The following CRMP1 variants were observed in gnomAD, a reference collection of about 807,000 sequenced individuals.
The protein encoded by CRMP1 is dihydropyrimidinase-related protein 1.
In CRMP1, 19 loss-of-function variants were observed where a neutral mutation model predicts 68.3. That is an observed-to-expected ratio of 0.28 (90% CI 0.19 to 0.41). CRMP1 has a LOEUF of 0.41. Among genes scored for constraint, CRMP1 ranks in the 10% least tolerant of loss-of-function variants. The probability of loss-of-function intolerance (pLI) is 1.00; values close to 1 mark genes in which losing one functional copy is unlikely to be tolerated. For synonymous variants in CRMP1, 439 were observed against 399.6 expected (o/e 1.10, Z -1.18); for missense variants, 791 against 967.4 (o/e 0.82, Z 2.42).
intron 1 of CRMP1, among the ~76,000 whole-genome samples, chr4:5,884,456 T>C (rs558109274): frequency 7.0e-4 from 104 of 148,564 alleles, no homozygotes; most frequent in Non-Finnish European, 4.0e-4. Context: ...ACATACACAC[T>C]GGCACTCACA....
Position 5,889,774 on chromosome 4 carries a change from C to T in CRMP1, c.381+2815G>A. 1 of 1,531,566 alleles carries T rather than the reference C, an allele frequency of 6.5e-7. No individual in the cohort carries two copies. Among genetic ancestry groups the T allele is most frequent in the Non-Finnish European group, 8.7e-7 (1 of 1,143,764 alleles). 94.9% of individuals were successfully genotyped at this position (1,531,566 alleles called of 1,614,324 possible). On this transcript the variant is annotated intron_variant, in intron 1 of 13. Transcript: ENST00000324989. The surrounding 1 kb of genome is among the most constrained non-coding windows in gnomAD (Gnocchi z 4.5). ...GCTCCCCCAGCACTGTGGTTGGGGG[C>T]TGGGGCCCTGACCTTCACCACCCCA...
intron 11 of CRMP1, among the ~76,000 whole-genome samples, chr4:5,835,366 C>T (rs1197665266): frequency 6.6e-6 from 1 of 152,210 alleles, no homozygotes; most frequent in South Asian, 2.1e-4. Context: ...TCTGTGCACG[C>T]ATCTTTGGTA....
rs1720592479 is a variant in CRMP1 at position 5,834,474 on chromosome 4, T to C, written c.1623+1441A>G. ...CTTCTGCCCTCTGCCATGGGATAAC[T>C]CAGCAAGAAGGCCTTTGCCAGATGC... On this transcript the variant is annotated intron_variant, in intron 11 of 13. Transcript: ENST00000324989. This position sits in a 1 kb window ranked among gnomAD's most constrained non-coding sequence, Gnocchi z 4.3. Among the ~76,000 whole-genome samples the C allele has an allele frequency of 6.6e-6, 1 of 152,214 alleles. No individual in the cohort carries two copies. The highest frequency in any genetic ancestry group is 2.1e-4 in the South Asian group (1 of 4,830).
chr4:5,829,098 C>T (rs183071258), intron 11 of CRMP1, among the ~76,000 whole-genome samples: 3 of 152,288 alleles, frequency 2.0e-5, no homozygotes, highest in Admixed American at 1.3e-4. Flanking sequence ...AGCACGTGTG[C>T]CATATGGCCA....
chr4:5,866,572 C>T lies in CRMP1; in HGVS notation c.470+96G>A, dbSNP rs764473887. The T allele has an allele frequency of 5.9e-6, 5 of 849,784 alleles. No homozygotes were observed. The highest frequency in any genetic ancestry group is 4.3e-5 in the Admixed American group (2 of 46,892). 52.6% of individuals were successfully genotyped at this position (849,784 alleles called of 1,614,324 possible). A position where few individuals can be genotyped will look rare whatever the true frequency, so the allele number is the denominator to read the frequency against. The stretch of plus-strand genomic sequence containing the variant: ...CCCCTGAAACACAGGTACACAGCCC[C>T]GTCATTCTAGGACAGAATGCCAGCC... On this transcript the variant is annotated intron_variant, in intron 2 of 13. Coordinates refer to ENST00000324989, the MANE Select transcript of CRMP1 (RefSeq NM_001014809.3). The surrounding 1 kb of genome is among the most constrained non-coding windows in gnomAD (Gnocchi z 5.9).
intron 6 of CRMP1, among the ~76,000 whole-genome samples, chr4:5,848,293 C>A (rs536179737): frequency 1.3e-5 from 2 of 152,096 alleles, no homozygotes; most frequent in Non-Finnish European, 2.9e-5. Context: ...GTATTCTCAC[C>A]TGTAATACCT....
intron 1 of CRMP1, among the ~76,000 whole-genome samples, chr4:5,869,691 A>G (rs1714307043): frequency 6.9e-6 from 1 of 145,032 alleles, no homozygotes; most frequent in Non-Finnish European, 1.6e-5. Flanking sequence ...CAAAAAAAAA[A>G]AAAAAAAAAA....
rs1231757845 is a variant in CRMP1 at position 5,821,931 on chromosome 4, C to T, written c.1970-80G>A. ...CTGCTCCTGGAGGCCATGTACTCTG[C>T]CATGCACTCCACTGGACCCACCTTC... is the stretch of plus-strand genomic sequence containing the variant. On this transcript the variant is annotated intron_variant, in intron 13 of 13. Transcript: ENST00000324989. The surrounding 1 kb of genome is among the most constrained non-coding windows in gnomAD (Gnocchi z 4.4). 4.5e-6 allele frequency: 5 copies of T among 1,109,196 alleles called. No homozygotes were observed. In the African/African-American group the frequency reaches 1.0e-4, roughly 22 times the overall value. The allele number at this position is 1,109,196 out of a possible 1,614,324, so 68.7% of individuals were successfully genotyped here.
chr4:5,869,722 T>C (rs1714312084), intron 1 of CRMP1, among the ~76,000 whole-genome samples: 1 of 149,626 alleles, frequency 6.7e-6, no homozygotes, highest in Admixed American at 6.6e-5. Flanking sequence ...AGAAGTAAAC[T>C]GACAAGAACA....
chr4:5,824,023 G>A (rs1329616907), intron 13 of CRMP1, among the ~76,000 whole-genome samples: 1 of 152,228 alleles, frequency 6.6e-6, no homozygotes, highest in Non-Finnish European at 1.5e-5. Context: ...TGGGCCTCAG[G>A]AGGACTAAGA....
Position 5,861,930 on chromosome 4 carries a change from GAC to G in CRMP1, c.471-722_471-721del, listed in dbSNP as rs1713593090. ...AGTCACAAAAAACCCTAGTAATAAA[GAC>G]ACAGGAAGATGCTGCTTCAGTGACC... is the stretch of plus-strand genomic sequence containing the variant. On this transcript the variant is annotated intron_variant, in intron 2 of 13. Coordinates refer to ENST00000324989, the MANE Select transcript of CRMP1 (RefSeq NM_001014809.3). This position sits in a 1 kb window ranked among gnomAD's most constrained non-coding sequence, Gnocchi z 6.0. 6.6e-6 allele frequency among the ~76,000 whole-genome samples: 1 copy of G among 152,164 alleles called. No individual in the cohort carries two copies. Among genetic ancestry groups the G allele is most frequent in the African/African-American group, 2.4e-5 (1 of 41,446 alleles).
intron 11 of CRMP1, among the ~76,000 whole-genome samples, chr4:5,835,302 A>G (rs1158214335): frequency 6.6e-6 from 1 of 152,236 alleles, no homozygotes; most frequent in Non-Finnish European, 1.5e-5. Context: ...AGGGTGTTAA[A>G]GCAAGCCCTT....
At position 5,879,479 on chromosome 4, in the gene CRMP1, G is replaced by C. The variant is rs1314033621; in HGVS notation, c.382-12723C>G. On this transcript the variant is annotated intron_variant, in intron 1 of 13. Coordinates refer to ENST00000324989, the MANE Select transcript of CRMP1 (RefSeq NM_001014809.3). This position sits in a 1 kb window ranked among gnomAD's most constrained non-coding sequence, Gnocchi z 4.2. ...ACTGAAATCCTTGGCACCAGAGATG[G>C]CAGCTTATTCCCACATAGCTTCTTA... is the stretch of plus-strand genomic sequence containing the variant. Among the ~76,000 whole-genome samples, 6 of 152,184 alleles carry C rather than the reference G, an allele frequency of 3.9e-5. No homozygotes were observed. Among genetic ancestry groups the C allele is most frequent in the Admixed American group, 6.5e-5 (1 of 15,270 alleles).
chr4:5,887,170 C>G (rs918267099), intron 1 of CRMP1, among the ~76,000 whole-genome samples: 1 of 146,928 alleles, frequency 6.8e-6, no homozygotes, highest in Non-Finnish European at 1.5e-5. Context: ...AGAAACAGGC[C>G]TGCAATACAC....
rs761610198 is a variant in CRMP1 at position 5,870,234 on chromosome 4, G to A, written c.382-3478C>T. Among the ~76,000 whole-genome samples the A allele has an allele frequency of 6.6e-6, 1 of 152,154 alleles. No homozygotes were observed. The highest frequency in any genetic ancestry group is 1.5e-5 in the Non-Finnish European group (1 of 68,022). ...CCCTCCGCTCGACTTCCCCTGTTTG[G>A]GACAACACACACCACCACCCTGCCA... On this transcript the variant is annotated intron_variant, in intron 1 of 13. Coordinates refer to ENST00000324989, the MANE Select transcript of CRMP1 (RefSeq NM_001014809.3). This position sits in a 1 kb window ranked among gnomAD's most constrained non-coding sequence, Gnocchi z 6.0.
At chr4:5,851,830 A>G (rs1560502315) in intron 4 of CRMP1, among the ~76,000 whole-genome samples, 1 of 148,830 alleles carries the variant, frequency 6.7e-6, no homozygotes, top group African/African-American at 2.5e-5. Flanking sequence ...GAGGAGAAAG[A>G]AGGAGAAGGG....
rs532829345 is a variant in CRMP1, at chr4:5,887,868, C to A, written c.381+4721G>T. 1.5e-5 allele frequency: 14 copies of A among 963,280 alleles called. 1 individual carries two copies. The African/African-American group carries it at 1.6e-4, about 11-fold the overall frequency. The allele number at this position is 963,280 out of a possible 1,614,324, so 59.7% of individuals were successfully genotyped here. ...GAGGCTCAGCTCACCCTCCCACCCC[C>A]GCGCGAGGCCTGCGGGGAGGGGGTT... On this transcript the variant is annotated intron_variant, in intron 1 of 13. Coordinates refer to ENST00000324989, the MANE Select transcript of CRMP1 (RefSeq NM_001014809.3).
Position 5,821,772 on chromosome 4 carries a change from G to C in CRMP1, c.2049C>G (p.Thr683=), listed in dbSNP as rs2152426529. ...CGCGCATCCACGTTCAACCGAGGCTGGTGATGTTGGAGCGGCCACCAGGGG... is the reference window on the plus strand; with the variant it reads ...CGCGCATCCACGTTCAACCGAGGCTCGTGATGTTGGAGCGGCCACCAGGGG... The part of the protein sequence containing the change: ...VAPPGGRSNI[T]SLG Residue 683 remains threonine, a synonymous_variant, in exon 14 of 14, where the codon ACC becomes ACG. Transcript: ENST00000324989. This position sits in a 1 kb window ranked among gnomAD's most constrained non-coding sequence, Gnocchi z 4.4. 4 of 1,610,402 alleles carry C rather than the reference G, an allele frequency of 2.5e-6. No individual in the cohort carries two copies. Among genetic ancestry groups the C allele is most frequent in the Non-Finnish European group, 3.4e-6 (4 of 1,178,234 alleles).
At position 5,856,273 on chromosome 4, in the gene CRMP1, T is replaced by A. The variant is rs1374223522; in HGVS notation, c.690A>T (p.Leu230=). ...CGTGCCACTTCTCGAAAGAGGTCAG[T>A]AGGCTGGACCCAGGTTCAGGAACAA... is the stretch of plus-strand genomic sequence containing the variant. ...DHVVPEPGSS[L]LTSFEKWHEA... Residue 230 remains leucine (L), a synonymous_variant, in exon 4 of 14, where the codon CTA becomes CTT. Coordinates refer to ENST00000324989, the MANE Select transcript of CRMP1 (RefSeq NM_001014809.3). The A allele has an allele frequency of 6.2e-7, 1 of 1,613,780 alleles. No homozygotes were observed. The highest frequency in any genetic ancestry group is 1.7e-5 in the Admixed American group (1 of 59,964).
Sources: allele counts gnomAD v4.1 joint callset (sites outside exome capture counted in the v4.1 genomes callset), GRCh38; gene constraint gnomAD v4.1.1; non-coding constraint Gnocchi (gnomAD v3.1); transcripts MANE v1.5; gene names NCBI Gene and HGNC (gene_info 2026-07-23, HGNC 2026-07-21).